The following LRRK1 variants were observed in gnomAD, a reference collection of about 807,000 sequenced individuals.
The protein encoded by LRRK1 is leucine-rich repeat serine/threonine-protein kinase 1.
LRRK1 carries 113 observed loss-of-function variants against 209.1 expected under a neutral mutation model. The ratio of observed to expected loss-of-function variants is 0.54; its 90% CI spans 0.46 to 0.63. The LOEUF is 0.63. Ranked by LOEUF, LRRK1 falls within the 30% of genes least tolerant of loss-of-function variation. The pLI is 0.00. For synonymous variants in LRRK1, 1,144 were observed against 1,099.7 expected, an observed-to-expected ratio of 1.04 and a Z score of -0.80; for missense variants, 2,284 against 2,632.2, an observed-to-expected ratio of 0.87 and a Z score of 2.89.
intron 29 of LRRK1, among the ~76,000 whole-genome samples, chr15:101,058,866 T>G (rs568528013): frequency 6.6e-6 from 1 of 151,812 alleles, no homozygotes; most frequent in South Asian, 2.1e-4. Flanking sequence ...AAGACGTGCT[T>G]GCCGTGGGGT....
chr15:101,066,245 CACTGCTCCTGCTCTGGGGA>C, intron 32 of LRRK1, 40 bp downstream of exon 32: 1 of 1,563,960 alleles, frequency 6.4e-7, no homozygotes, highest in Non-Finnish European at 8.6e-7. Context: ...AGGGCACGCC[CACTGCTCCTGCTCTGGGGA>C]CAGAGCAAGG....
rs376445041 is a variant in LRRK1, at chr15:101,009,032, G to T, written c.958G>T (p.Val320Leu). The change falls in exon 7 of 34, where the codon GTG becomes TTG. Residue 320 changes from valine (V) to leucine (L), a missense_variant. Transcript: ENST00000388948. ...SDNHLGELPG[V>L]QSSDEIICSR... The stretch of plus-strand genomic sequence containing the variant: ...CAACCACCTGGGGGAGCTGCCTGGC[G>T]TGCAGTCATCGGACGAAATCATCTG... 2 of 1,614,040 alleles carry T rather than the reference G, an allele frequency of 1.2e-6. No homozygotes were observed. Among genetic ancestry groups the T allele is most frequent in the Non-Finnish European group, 1.7e-6 (2 of 1,180,022 alleles).
intron 12 of LRRK1, among the ~76,000 whole-genome samples, chr15:101,016,746 C>A (rs918849917): frequency 6.6e-6 from 1 of 152,154 alleles, no homozygotes; most frequent in African/African-American, 2.4e-5. Context: ...AGCCCTGGAC[C>A]AGCAGCTACG....
At chr15:101,052,175 C>T (rs1427380845) in intron 24 of LRRK1, among the ~76,000 whole-genome samples, 1 of 152,186 alleles carries the variant, frequency 6.6e-6, no homozygotes, top group Non-Finnish European at 1.5e-5. Flanking sequence ...CTTGATAGGC[C>T]CAACTGGGAA....
At position 101,074,547 on chromosome 15, in the gene LRRK1, G is replaced by T. The variant is rs186350284; in HGVS notation, c.*5699G>T. 1.3e-5 allele frequency: 2 copies of T among 152,094 alleles called. No homozygotes were observed. Among genetic ancestry groups the T allele is most frequent in the Admixed American group, 1.3e-4 (2 of 15,268 alleles). The allele number at this position is 152,094 out of a possible 1,614,324, so 9.4% of individuals were successfully genotyped here. A position where few individuals can be genotyped will look rare whatever the true frequency, so the allele number is the denominator to read the frequency against. ...CTAGACCCTAAAAGCCCAAAAGGCC[G>T]TCTTATTCTCAATATATATTTTATC... On this transcript the variant is annotated 3_prime_UTR_variant, in exon 34 of 34. Coordinates refer to ENST00000388948, the MANE Select transcript of LRRK1 (RefSeq NM_024652.6).
intron 12 of LRRK1, among the ~76,000 whole-genome samples, chr15:101,016,155 A>G (rs980986672): frequency 7.9e-5 from 12 of 151,666 alleles, no homozygotes; most frequent in Admixed American, 7.2e-4. Context: ...ATGCCTGGCT[A>G]ATTTTTGTAT....
intron 2 of LRRK1, among the ~76,000 whole-genome samples, chr15:100,956,455 C>CTTTTTCTTTTCTTTTTT: frequency 0.018 from 1,105 of 60,526 alleles, 205 homozygotes; most frequent in African/African-American, 0.085. Flanking sequence ...TTTTTTTTTT[C>CTTTTTCTTTTCTTTTTT]TTTTTTTTTT....
rs2033853102 is a variant in LRRK1, at chr15:101,022,665, C to G, written c.2067+68C>G. 8.7e-7 allele frequency: 1 copy of G among 1,151,712 alleles called. No individual in the cohort carries two copies. Among genetic ancestry groups the G allele is most frequent in the African/African-American group, 1.5e-5 (1 of 65,952 alleles). 71.3% of individuals were successfully genotyped at this position (1,151,712 alleles called of 1,614,324 possible). ...ACATCCCTTGGACTCCTTCTCCCTT[C>G]TCCCCAGAGAGCCCAGGATTTTCTC... On this transcript the variant is annotated intron_variant, in intron 15 of 33. Transcript: ENST00000388948. The surrounding 1 kb of genome is among the most constrained non-coding windows in gnomAD (Gnocchi z 4.0).
At chr15:100,969,796 T>C (rs1314404121) in intron 2 of LRRK1, among the ~76,000 whole-genome samples, 2 of 152,194 alleles carry the variant, frequency 1.3e-5, no homozygotes, top group Non-Finnish European at 2.9e-5. Context: ...GGCTTCCAAC[T>C]CCATCCATGT....
chr15:100,978,342 T>C (rs1054021236), intron 3 of LRRK1, among the ~76,000 whole-genome samples: 1 of 152,134 alleles, frequency 6.6e-6, no homozygotes, highest in African/African-American at 2.4e-5. Context: ...AAAGAAACAA[T>C]GGCTGAAAGC....
At chr15:101,023,920 C>T (rs963157104) in intron 15 of LRRK1, among the ~76,000 whole-genome samples, 1 of 152,234 alleles carries the variant, frequency 6.6e-6, no homozygotes, top group Non-Finnish European at 1.5e-5. Flanking sequence ...CCAGAATCCT[C>T]TGCATTCTCT....
chr15:101,038,429 T>C (rs866459685), intron 20 of LRRK1, among the ~76,000 whole-genome samples: 4 of 151,892 alleles, frequency 2.6e-5, no homozygotes, highest in African/African-American at 7.3e-5. Context: ...TCTCAGAGAG[T>C]GTGAGACCTA....
At chr15:100,974,353 G>A (rs540855410) in intron 3 of LRRK1, among the ~76,000 whole-genome samples, 1 of 152,282 alleles carries the variant, frequency 6.6e-6, no homozygotes, top group Non-Finnish European at 1.5e-5. Flanking sequence ...GGACAAAAAA[G>A]TTACCAAATT....
rs1198937431 is a variant in LRRK1, at chr15:100,937,360, G to A, written c.97+12631G>A. The stretch of plus-strand genomic sequence containing the variant: ...TTGCCGTCTCTTCCAAAGAATCAGG[G>A]CTACTATTTAGTTCCCCTTTTTTAT... On this transcript the variant is annotated intron_variant, in intron 2 of 33. Coordinates refer to ENST00000388948, the MANE Select transcript of LRRK1 (RefSeq NM_024652.6). 2.0e-5 allele frequency among the ~76,000 whole-genome samples: 3 copies of A among 151,914 alleles called. No homozygotes were observed. The East Asian group carries it at 5.8e-4, about 29-fold the overall frequency.
chr15:100,968,935 C>T (rs1460180904), intron 2 of LRRK1, among the ~76,000 whole-genome samples: 3 of 152,016 alleles, frequency 2.0e-5, no homozygotes, highest in African/African-American at 7.3e-5. Context: ...ACCTCCTGGG[C>T]TCAAGCCATC....
intron 2 of LRRK1, among the ~76,000 whole-genome samples, chr15:100,926,680 C>CTTTTTTTTTTTTT (rs71151990): frequency 2.1e-3 from 173 of 81,838 alleles, no homozygotes; most frequent in East Asian, 4.5e-3. Flanking sequence ...TTCTTTTTTT[C>CTTTTTTTTTTTTT]TTTTTTTTTT....
chr15:100,926,530 C>T (rs1052120079), intron 2 of LRRK1, among the ~76,000 whole-genome samples: 2 of 140,154 alleles, frequency 1.4e-5, no homozygotes, highest in African/African-American at 5.3e-5. Flanking sequence ...CCCACACAGT[C>T]ACTGGGTAGT....
intron 26 of LRRK1, 119 bp from the exon 27 acceptor site, chr15:101,054,826 GA>G (rs1047623056): frequency 1.6e-4 from 154 of 949,524 alleles, no homozygotes; most frequent in Non-Finnish European, 2.2e-4. Flanking sequence ...AAAGAAAAAA[GA>G]AAAAAAATCA....
At chr15:100,928,865 G>T (rs543258361) in intron 2 of LRRK1, among the ~76,000 whole-genome samples, 3 of 152,184 alleles carry the variant, frequency 2.0e-5, no homozygotes, top group Admixed American at 2.0e-4. Flanking sequence ...CCTGCCGTGC[G>T]GCCCGCTGTG....
Sources: gnomAD v4.1 joint callset for allele counts (sites outside exome capture counted in the v4.1 genomes callset) on GRCh38, gnomAD v4.1.1 for gene constraint, Gnocchi (gnomAD v3.1) non-coding constraint, MANE v1.5 for transcripts, NCBI Gene and HGNC (gene_info 2026-07-23, HGNC 2026-07-21) for gene names.